Variants in DNHD1 observed in about 807,000 individuals in gnomAD.
DNHD1 encodes the protein dynein heavy chain domain 1.
DNHD1 carries 383 observed loss-of-function variants against 458.1 expected under a neutral mutation model. The observed-to-expected ratio is 0.84, with a 90% CI of 0.77 to 0.91. The LOEUF is 0.91. Among genes scored for constraint, DNHD1 ranks in the 40% least tolerant of loss-of-function variants. The pLI is 0.00. For synonymous variants in DNHD1, 2,203 were observed against 2,376.9 expected, an observed-to-expected ratio of 0.93 and a Z score of 2.13; for missense variants, 5,336 against 5,866.1, an observed-to-expected ratio of 0.91 and a Z score of 2.95.
intron 25 of DNHD1, 62 bp from the exon 26 acceptor site, chr11:6,558,423 C>T: frequency 6.5e-7 from 1 of 1,543,202 alleles, no homozygotes; most frequent in Non-Finnish European, 8.7e-7. Flanking sequence ...CTGGCTGGGA[C>T]TGGGGCCAGG....
At chr11:6,503,194 C>G in intron 4 of DNHD1, 1 of 380,062 alleles carries the variant, frequency 2.6e-6, no homozygotes, top group Non-Finnish European at 4.7e-6. Context: ...TTTATTCTAT[C>G]CTAGAATGAT....
rs1195070539 is a variant in DNHD1 at position 6,557,966 on chromosome 11, G to A, written c.8671G>A (p.Gly2891Arg). The A allele has an allele frequency of 1.0e-5, 16 of 1,551,664 alleles. No homozygotes were observed. The highest frequency in any genetic ancestry group is 1.4e-5 in the Non-Finnish European group (16 of 1,146,988). Residue 2891 changes from glycine (G) to arginine (R), a missense_variant, in exon 25 of 43, where the codon GGG becomes AGG. Gly to Arg is a moderately radical substitution (Grantham distance 125). Coordinates refer to ENST00000254579, the MANE Select transcript of DNHD1 (RefSeq NM_144666.3). ...RPRQHGLLLS[G>R]ALGTGRHTAI... ...CCGGCAGCATGGCCTGCTGCTCTCG[G>A]GGGCTCTGGGTACTGGGCGCCACAC... is the stretch of plus-strand genomic sequence containing the variant.
chr11:6,568,807 T>A lies in DNHD1; in HGVS notation c.12804T>A (p.His4268Gln). Residue 4268 changes from histidine to glutamine, a missense_variant, in exon 39 of 43, where the codon CAT becomes CAA. Around this residue, in one of 4 missense-constraint regions of DNHD1, gnomAD observed 698 missense variants for 664.9 expected, o/e 1.05. Transcript: ENST00000254579. The part of the protein sequence containing the change: ...PTQALPLLLL[H>Q]GLLLHRQLYG... ...AGGCACTACCTCTGCTCCTCCTCCA[T>A]GGCCTCCTGCTACACCGGCAGCTCT... 1.2e-6 allele frequency: 2 copies of A among 1,613,372 alleles called. No homozygotes were observed. Among genetic ancestry groups the A allele is most frequent in the Non-Finnish European group, 1.7e-6 (2 of 1,179,704 alleles).
chr11:6,570,989 A>T lies in DNHD1; in HGVS notation c.13477A>T (p.Ser4493Cys). The part of the protein sequence containing the change: ...GVLETEALEL[S>C]QLVGTLQRDL... Reference sequence around the variant, plus strand: ...CTTAGAGACCGAGGCTCTAGAACTGAGCCAGTTGGTGGGCACGCTACAACG... The same window carrying T: ...CTTAGAGACCGAGGCTCTAGAACTGTGCCAGTTGGTGGGCACGCTACAACG... The change falls in exon 42 of 43, where the codon AGC becomes TGC. Residue 4493 changes from serine (S) to cysteine (C), a missense_variant. Physicochemically the swap from Ser to Cys is moderately radical, Grantham distance 112. This residue lies in a region of DNHD1 where 698 missense variants were observed against 664.9 expected (regional missense o/e 1.05). Coordinates refer to ENST00000254579, the MANE Select transcript of DNHD1 (RefSeq NM_144666.3). The T allele has an allele frequency of 6.2e-7, 1 of 1,602,622 alleles. No individual in the cohort carries two copies. Among genetic ancestry groups the T allele is most frequent in the Non-Finnish European group, 8.5e-7 (1 of 1,171,586 alleles).
At chr11:6,506,265 G>A (rs2134370822) in intron 4 of DNHD1, among the ~76,000 whole-genome samples, 1 of 152,310 alleles carries the variant, frequency 6.6e-6, no homozygotes, top group African/African-American at 2.4e-5. Context: ...ATGAGCAAAA[G>A]TTGCAGTTCA....
chr11:6,518,120 A>T (rs1852524265), intron 7 of DNHD1, among the ~76,000 whole-genome samples: 1 of 152,208 alleles, frequency 6.6e-6, no homozygotes, highest in South Asian at 2.1e-4. Context: ...ATGCAGTGGC[A>T]TGATCAGGGA....
At chr11:6,556,452 T>C (rs967897281) in intron 24 of DNHD1, among the ~76,000 whole-genome samples, 3 of 152,222 alleles carry the variant, frequency 2.0e-5, no homozygotes, top group African/African-American at 7.2e-5. Context: ...TAACCTTCGG[T>C]TAATGAATAA....
At chr11:6,501,642 C>G (rs111593242) in intron 3 of DNHD1, among the ~76,000 whole-genome samples, 1,797 of 152,018 alleles carry the variant, frequency 0.012, 32 homozygotes, top group African/African-American at 0.041. Context: ...CTCAGCAGGG[C>G]TTGCATGGGG....
chr11:6,552,910 C>G (rs1853391362), intron 24 of DNHD1, among the ~76,000 whole-genome samples: 1 of 152,102 alleles, frequency 6.6e-6, no homozygotes, highest in Non-Finnish European at 1.5e-5. Context: ...CAGCCTCATA[C>G]CTAAGAAAAG....
In DNHD1 at chr11:6,567,563, A is replaced by G. The variant is rs746578369; in HGVS notation, c.12054A>G (p.Ser4018=). Residue 4018 remains serine (S), a synonymous_variant, in exon 36 of 43, where the codon TCA becomes TCG. Transcript: ENST00000254579. ...GHSSAWQAYL[S]LSSTVLGPAP... is the part of the protein sequence containing the mutation. Reference sequence around the variant, plus strand: ...CCAGTGCTTGGCAGGCTTACCTGTCACTGTCATCCACAGTGCTGGGTCCTG... The same window carrying G: ...CCAGTGCTTGGCAGGCTTACCTGTCGCTGTCATCCACAGTGCTGGGTCCTG... The G allele has an allele frequency of 1.2e-6, 2 of 1,612,974 alleles. No homozygotes were observed. The highest frequency in any genetic ancestry group is 1.6e-4 in the Middle Eastern group (1 of 6,062).
intron 39 of DNHD1, 73 bp downstream of exon 39, chr11:6,568,939 G>T: frequency 6.9e-7 from 1 of 1,458,046 alleles, no homozygotes; most frequent in South Asian, 1.3e-5. Flanking sequence ...ATGCTGGGAT[G>T]AGTAAAACTA....
At chr11:6,536,291 T>G (rs185620237) in intron 14 of DNHD1, among the ~76,000 whole-genome samples, 49 of 152,190 alleles carry the variant, frequency 3.2e-4, no homozygotes, top group South Asian at 2.7e-3. Context: ...AGGCAAAAAA[T>G]GCAATCTAGG....
At chr11:6,539,710 C>A (rs1033662175) in intron 17 of DNHD1, among the ~76,000 whole-genome samples, 166 bp from the exon 18 acceptor site, 4 of 152,182 alleles carry the variant, frequency 2.6e-5, no homozygotes, top group African/African-American at 9.7e-5. Flanking sequence ...TGCCGATGGC[C>A]TATCTTTGAA....
Position 6,571,975 on chromosome 11 carries a change from C to G in DNHD1, c.14251C>G (p.Pro4751Ala), listed in dbSNP as rs372653037. 1 of 1,603,710 alleles carries G rather than the reference C, an allele frequency of 6.2e-7. No homozygotes were observed. The highest frequency in any genetic ancestry group is 8.5e-7 in the Non-Finnish European group (1 of 1,172,444). The part of the protein sequence containing the change: ...VQRRVHVCSP[P>A]LS Reference sequence around the variant, plus strand: ...AAGGAGGGTCCATGTGTGCAGCCCACCCCTGTCTTGAGCCCGTCTACCAAA... The same window carrying G: ...AAGGAGGGTCCATGTGTGCAGCCCAGCCCTGTCTTGAGCCCGTCTACCAAA... The change falls in exon 43 of 43, where the codon CCC (proline) becomes GCC (alanine). Residue 4751 changes from proline (P) to alanine (A), a missense_variant. Physicochemically the swap from Pro to Ala is conservative, Grantham distance 27. Coordinates refer to ENST00000254579, the MANE Select transcript of DNHD1 (RefSeq NM_144666.3). The surrounding 1 kb of genome is among the most constrained non-coding windows in gnomAD (Gnocchi z 5.0).
rs753738588 is a variant in DNHD1 at position 6,570,446 on chromosome 11, A to G, written c.13105+50A>G. On this transcript the variant is annotated intron_variant, in intron 41 of 42. Transcript: ENST00000254579. ...TTGGGGTAGGGAATAGTGCAATGCA[A>G]TGCCACCCCCCACAGAAATGTGGAC... is the stretch of plus-strand genomic sequence containing the variant. The G allele has an allele frequency of 4.5e-6, 7 of 1,543,008 alleles. No individual in the cohort carries two copies. The South Asian group carries it at 6.2e-5, about 14-fold the overall frequency.
Position 6,568,777 on chromosome 11 carries a change from C to A in DNHD1, c.12774C>A (p.Pro4258=), listed in dbSNP as rs370634504. 34 of 1,613,552 alleles carry A rather than the reference C, an allele frequency of 2.1e-5. No individual in the cohort carries two copies. Among genetic ancestry groups the A allele is most frequent in the Middle Eastern group, 1.6e-4 (1 of 6,062 alleles). ...LAQQVLYMQP[P]TQALPLLLLH... ...AGCAAGTACTCTACATGCAACCCCC[C>A]ACCCAGGCACTACCTCTGCTCCTCC... is the stretch of plus-strand genomic sequence containing the variant. The change falls in exon 39 of 43, where the codon CCC becomes CCA. Residue 4258 remains proline, a synonymous_variant. Transcript: ENST00000254579.
chr11:6,551,043 T>C (rs1853331100), intron 24 of DNHD1, among the ~76,000 whole-genome samples: 1 of 152,194 alleles, frequency 6.6e-6, no homozygotes, highest in Non-Finnish European at 1.5e-5. Flanking sequence ...AACTGCAAAA[T>C]GCACCTTCTT....
Position 6,557,560 on chromosome 11 carries a change from A to C in DNHD1, c.8265A>C (p.Pro2755=), listed in dbSNP as rs1222426212. 1 of 1,551,688 alleles carries C rather than the reference A, an allele frequency of 6.4e-7. No homozygotes were observed. The highest frequency in any genetic ancestry group is 1.4e-5 in the African/African-American group (1 of 73,046). Reference sequence around the variant, plus strand: ...CAAGTCTAACACCATCCATAGGACCAGTAAGCAGGGGGATGAAGGAAAGCA... The same window carrying C: ...CAAGTCTAACACCATCCATAGGACCCGTAAGCAGGGGGATGAAGGAAAGCA... ...RDPSLTPSIG[P]VSRGMKESIS... The change falls in exon 25 of 43, where the codon CCA becomes CCC. Residue 2755 remains proline (P), a synonymous_variant. Transcript: ENST00000254579.
In DNHD1 at chr11:6,563,407, T is replaced by C; in HGVS notation, c.9695T>C (p.Leu3232Pro). 1 of 1,551,724 alleles carries C rather than the reference T, an allele frequency of 6.4e-7. No homozygotes were observed. The highest frequency in any genetic ancestry group is 8.7e-7 in the Non-Finnish European group (1 of 1,146,996). Residue 3232 changes from leucine to proline, a missense_variant, in exon 30 of 43, where the codon CTG becomes CCG. Leu to Pro is a moderately conservative substitution (Grantham distance 98, BLOSUM62 -3). Coordinates refer to ENST00000254579, the MANE Select transcript of DNHD1 (RefSeq NM_144666.3). Reference protein sequence around the residue: ...EQMSKAFLEPLSQLQVADFEE... With the variant: ...EQMSKAFLEPPSQLQVADFEE... ...ATGAGCAAGGCATTTCTGGAGCCTC[T>C]GAGCCAGCTGCAGGTGGCTGACTTT...
Sources: gnomAD v4.1 joint callset for allele counts (sites outside exome capture counted in the v4.1 genomes callset) on GRCh38, gnomAD v4.1.1 for gene constraint, gnomAD v4.1.1 regional missense constraint, Gnocchi (gnomAD v3.1) non-coding constraint, MANE v1.5 for transcripts, NCBI Gene and HGNC (gene_info 2026-07-23, HGNC 2026-07-21) for gene names.